The following LCLAT1 variants were observed in gnomAD, a reference collection of about 807,000 sequenced individuals.
The protein encoded by LCLAT1 is 1-AGP acyltransferase 8.
A neutral mutation model predicts 30.7 loss-of-function variants in LCLAT1; 11 were observed. The observed-to-expected ratio is 0.36, with a 90% CI of 0.23 to 0.59. The LOEUF (loss-of-function observed/expected upper bound fraction) is 0.59, where lower values mean the gene tolerates loss of function less well. Among genes scored for constraint, LCLAT1 ranks in the 20% least tolerant of loss-of-function variants. The pLI is 0.77. For missense variants in LCLAT1, 402 were observed against 458.6 expected, an observed-to-expected ratio of 0.88 and a Z score of 1.13; for synonymous variants, 155 against 151.3, an observed-to-expected ratio of 1.02 and a Z score of -0.18.
chr2:30,600,476 A>T (rs546444195), intron 5 of LCLAT1, among the ~76,000 whole-genome samples: 1 of 152,206 alleles, frequency 6.6e-6, no homozygotes, highest in Admixed American at 6.5e-5. Context: ...AAGAGCAAAC[A>T]AACTCCAAAG....
rs1340482476 is a variant in LCLAT1 at position 30,502,101 on chromosome 2, A to G, written c.-4-23486A>G. Reference sequence around the variant, plus strand: ...ATAAAAGTTAGGGAGGGAGGAAAAAACCAGTCTCACTATGCAGGGACAGCC... The same window carrying G: ...ATAAAAGTTAGGGAGGGAGGAAAAAGCCAGTCTCACTATGCAGGGACAGCC... On this transcript the variant is annotated intron_variant, in intron 1 of 5. Coordinates refer to ENST00000379509, the MANE Select transcript of LCLAT1 (RefSeq NM_001002257.3). Among the ~76,000 whole-genome samples the G allele has an allele frequency of 2.0e-5, 3 of 152,280 alleles. No individual in the cohort carries two copies. The East Asian group carries it at 5.8e-4, about 29-fold the overall frequency.
At chr2:30,597,954 A>G (rs1017976108) in intron 5 of LCLAT1, among the ~76,000 whole-genome samples, 4 of 152,080 alleles carry the variant, frequency 2.6e-5, no homozygotes, top group Non-Finnish European at 2.9e-5. Flanking sequence ...GTTGATTTGC[A>G]TTATGTTGAA....
At position 30,484,924 on chromosome 2, in the gene LCLAT1, CTATGG is replaced by C. The variant is rs767347664; in HGVS notation, c.-5+37565_-5+37569del. 2.5e-3 allele frequency among the ~76,000 whole-genome samples: 387 copies of C among 152,006 alleles called. 2 individuals carry two copies. The highest frequency in any genetic ancestry group is 0.014 in the Middle Eastern group (4 of 294). On this transcript the variant is annotated intron_variant, in intron 1 of 5. Coordinates refer to ENST00000379509, the MANE Select transcript of LCLAT1 (RefSeq NM_001002257.3). ...CTATGGTATGATATGTTATGGTATG[CTATGG>C]TATGGTATGGTATGGTATGGTATAT...
At chr2:30,451,290 G>T (rs1681536925) in intron 1 of LCLAT1, among the ~76,000 whole-genome samples, 1 of 152,160 alleles carries the variant, frequency 6.6e-6, no homozygotes, top group African/African-American at 2.4e-5. Flanking sequence ...CAAGGGTGTA[G>T]ACCAACTGGA....
chr2:30,642,460 G>A lies in LCLAT1; in HGVS notation c.*1841G>A, dbSNP rs1669369665. The A allele has an allele frequency of 6.7e-6, 1 of 149,592 alleles. No individual in the cohort carries two copies. The highest frequency in any genetic ancestry group is 2.5e-5 in the African/African-American group (1 of 40,544). 9.3% of individuals were successfully genotyped at this position (149,592 alleles called of 1,614,324 possible). A position where few individuals can be genotyped will look rare whatever the true frequency, so the allele number is the denominator to read the frequency against. ...TTTGTTGTTTCCCCTTAATAAAAGA[G>A]GTTTCTAATTTATGTTTCTCTAAGA... On this transcript the variant is annotated 3_prime_UTR_variant, in exon 6 of 6. Transcript: ENST00000379509.
chr2:30,640,100 A>C lies in LCLAT1; in HGVS notation c.629-17A>C, dbSNP rs774895636. On this transcript the variant is annotated splice_polypyrimidine_tract_variant and intron_variant, in intron 5 of 5. Coordinates refer to ENST00000379509, the MANE Select transcript of LCLAT1 (RefSeq NM_001002257.3). The stretch of plus-strand genomic sequence containing the variant: ...TGAGCACTGCTTAATCTATGTTTTC[A>C]TCTTTTCGAAACCCAGGTAAGAACC... 1.5e-5 allele frequency: 24 copies of C among 1,595,008 alleles called. No homozygotes were observed. Among genetic ancestry groups the C allele is most frequent in the Non-Finnish European group, 2.1e-5 (24 of 1,170,436 alleles).
At chr2:30,608,073 C>A (rs1667541604) in intron 5 of LCLAT1, among the ~76,000 whole-genome samples, 2 of 151,882 alleles carry the variant, frequency 1.3e-5, no homozygotes, top group Admixed American at 1.3e-4. Flanking sequence ...GTAATCCCAG[C>A]ACTTTGGGAA....
At chr2:30,575,358 G>C (rs1268406732) in intron 5 of LCLAT1, among the ~76,000 whole-genome samples, 1 of 152,016 alleles carries the variant, frequency 6.6e-6, no homozygotes, top group Non-Finnish European at 1.5e-5. Context: ...ACCATGCCAG[G>C]AATATTATAG....
intron 1 of LCLAT1, among the ~76,000 whole-genome samples, chr2:30,521,492 C>CT (rs869093721): frequency 0.015 from 256 of 16,810 alleles, 21 homozygotes; most frequent in Middle Eastern, 0.1. Flanking sequence ...ACTACTTCTT[C>CT]TTTTTTTTTT....
At chr2:30,587,237 T>A (rs2148473743) in intron 5 of LCLAT1, among the ~76,000 whole-genome samples, 1 of 152,358 alleles carries the variant, frequency 6.6e-6, no homozygotes, top group East Asian at 1.9e-4. Flanking sequence ...ATTCTAATAT[T>A]TGATAATTTT....
chr2:30,574,714 A>G (rs756739732), intron 5 of LCLAT1, among the ~76,000 whole-genome samples: 6 of 152,182 alleles, frequency 3.9e-5, no homozygotes, highest in East Asian at 1.9e-4. Context: ...TTGGATGACA[A>G]TTAGTTCACA....
intron 5 of LCLAT1, among the ~76,000 whole-genome samples, chr2:30,631,267 C>T (rs955468284): frequency 6.6e-6 from 1 of 152,142 alleles, no homozygotes; most frequent in African/African-American, 2.4e-5. Flanking sequence ...CTCTTGGGAG[C>T]AAGACAACTT....
intron 5 of LCLAT1, among the ~76,000 whole-genome samples, chr2:30,584,282 C>G (rs1558535729): frequency 6.6e-6 from 1 of 152,212 alleles, no homozygotes; most frequent in Non-Finnish European, 1.5e-5. Flanking sequence ...CCCTGTTAGC[C>G]TGTTGACTAC....
intron 5 of LCLAT1, among the ~76,000 whole-genome samples, chr2:30,603,720 G>C (rs1667295450): frequency 1.3e-5 from 2 of 152,084 alleles, no homozygotes; most frequent in Non-Finnish European, 2.9e-5. Context: ...GAGGATCCAA[G>C]GATGACAGCT....
At chr2:30,506,334 T>C (rs976119333) in intron 1 of LCLAT1, among the ~76,000 whole-genome samples, 1 of 152,098 alleles carries the variant, frequency 6.6e-6, no homozygotes, top group Non-Finnish European at 1.5e-5. Flanking sequence ...TTTCTGTCTT[T>C]GGAATATTTT....
chr2:30,588,253 ACTT>A (rs1666528337), intron 5 of LCLAT1, among the ~76,000 whole-genome samples: 1 of 152,220 alleles, frequency 6.6e-6, no homozygotes, highest in African/African-American at 2.4e-5. Flanking sequence ...CCTGGGAAGC[ACTT>A]CTTCACCTCC....
chr2:30,628,390 T>G (rs534696125), intron 5 of LCLAT1, among the ~76,000 whole-genome samples: 28 of 152,286 alleles, frequency 1.8e-4, no homozygotes, highest in African/African-American at 6.7e-4. Context: ...CAGGACAGGT[T>G]TTTTGGGAGG....
chr2:30,613,017 G>A (rs1262204350), intron 5 of LCLAT1, among the ~76,000 whole-genome samples: 2 of 152,144 alleles, frequency 1.3e-5, no homozygotes, highest in Non-Finnish European at 2.9e-5. Flanking sequence ...GGGTAGTCAG[G>A]GCTCCCCTGA....
At chr2:30,468,468 A>G (rs1342087973) in intron 1 of LCLAT1, among the ~76,000 whole-genome samples, 1 of 152,086 alleles carries the variant, frequency 6.6e-6, no homozygotes, top group Non-Finnish European at 1.5e-5. Flanking sequence ...GTCATTTGTA[A>G]ATGACCTCCA....
Sources: gnomAD v4.1 joint callset for allele counts (sites outside exome capture counted in the v4.1 genomes callset) on GRCh38, gnomAD v4.1.1 for gene constraint, MANE v1.5 for transcripts, NCBI Gene and HGNC (gene_info 2026-07-23, HGNC 2026-07-21) for gene names.